INSYN2A: variants seen among roughly 807,000 people sequenced by gnomAD.
INSYN2A encodes the protein inhibitory synaptic factor 2A, also known as family with sequence similarity 196 member A.
A neutral mutation model predicts 39.4 loss-of-function variants in INSYN2A; 17 were observed. The ratio of observed to expected loss-of-function variants is 0.43; its 90% CI spans 0.30 to 0.65. The LOEUF is 0.65. INSYN2A is among the 30% of genes least tolerant of loss of function. INSYN2A has a pLI of 0.14. For synonymous variants in INSYN2A, 255 were observed against 265.7 expected (o/e 0.96, Z 0.39); for missense variants, 595 against 631.2 (o/e 0.94, Z 0.61).
chr10:127,168,686 C>T (rs1240939150), intron 4 of INSYN2A, among the ~76,000 whole-genome samples: 1 of 152,196 alleles, frequency 6.6e-6, no homozygotes, highest in African/African-American at 2.4e-5. Flanking sequence ...CTAGAGAGTG[C>T]ATAGCCAAAT....
intron 1 of INSYN2A, among the ~76,000 whole-genome samples, chr10:127,194,655 C>T (rs1471304546): frequency 6.6e-6 from 1 of 152,164 alleles, no homozygotes; most frequent in Non-Finnish European, 1.5e-5. Context: ...CCAGCGCAGT[C>T]ACTCTGACAG....
intron 4 of INSYN2A, among the ~76,000 whole-genome samples, chr10:127,167,509 C>T (rs941819531): frequency 3.3e-5 from 5 of 152,046 alleles, no homozygotes; most frequent in African/African-American, 7.2e-5. Context: ...GGTTCCCCCC[C>T]GCCCCGAAAC....
chr10:127,166,970 G>A (rs2054142904), intron 4 of INSYN2A, among the ~76,000 whole-genome samples: 1 of 151,878 alleles, frequency 6.6e-6, no homozygotes, highest in Admixed American at 6.6e-5. Context: ...TTCTGCACAG[G>A]AAGATTATTT....
intron 2 of INSYN2A, among the ~76,000 whole-genome samples, chr10:127,180,994 A>T (rs1041720974): frequency 6.6e-6 from 1 of 152,180 alleles, no homozygotes; most frequent in African/African-American, 2.4e-5. Flanking sequence ...AAAATAACAC[A>T]AGGTAAAATC....
chr10:127,180,760 C>A (rs1281237978), intron 2 of INSYN2A, among the ~76,000 whole-genome samples: 1 of 151,872 alleles, frequency 6.6e-6, no homozygotes, highest in African/African-American at 2.4e-5. Context: ...TCACTCTGGG[C>A]GGCCATTAAA....
At position 127,175,505 on chromosome 10, in the gene INSYN2A, G is replaced by C. The variant is rs757623149; in HGVS notation, c.891C>G (p.Leu297=). ...CCAGGGCAGTTTCCGAGGGCGCCTG[G>C]AGCCCGTTGAGATGTGTGGCTCTCC... The part of the protein sequence containing the change: ...ERRRATHLNG[L]QAPSETALAC... Residue 297 remains leucine, a synonymous_variant, in exon 4 of 6, where the codon CTC becomes CTG. Transcript: ENST00000522781. This position sits in a 1 kb window ranked among gnomAD's most constrained non-coding sequence, Gnocchi z 6.3. 1 of 1,608,790 alleles carries C rather than the reference G, an allele frequency of 6.2e-7. No individual in the cohort carries two copies. Among genetic ancestry groups the C allele is most frequent in the South Asian group, 1.1e-5 (1 of 91,070 alleles).
intron 5 of INSYN2A, among the ~76,000 whole-genome samples, chr10:127,139,046 G>C (rs1229661232): frequency 1.3e-5 from 2 of 152,166 alleles, no homozygotes; most frequent in East Asian, 1.9e-4. Context: ...TCTGCGTTCT[G>C]GGCCAGGCCT....
At chr10:127,154,838 G>A (rs1371541534) in intron 4 of INSYN2A, among the ~76,000 whole-genome samples, 1 of 152,174 alleles carries the variant, frequency 6.6e-6, no homozygotes, top group Non-Finnish European at 1.5e-5. Context: ...ATAAAGGGTT[G>A]ATGATGAGAA....
Position 127,170,025 on chromosome 10 carries a change from C to T in INSYN2A, c.1184+5187G>A, listed in dbSNP as rs1018986279. On this transcript the variant is annotated intron_variant, in intron 4 of 5. Coordinates refer to ENST00000522781, the MANE Select transcript of INSYN2A (RefSeq NM_001039762.3). ...GCTTCTTTTTTTACCACTGTGTGCC[C>T]GAGACTTGGGAGAGCTGGCCTCACA... Among the ~76,000 whole-genome samples, 7 of 151,878 alleles carry T rather than the reference C, an allele frequency of 4.6e-5. No individual in the cohort carries two copies. In the East Asian group the frequency reaches 5.8e-4, roughly 13 times the overall value.
In INSYN2A at chr10:127,138,096, T is replaced by A. The variant is rs745595131; in HGVS notation, c.1257-76A>T. ...AGATCCCTCTTAGTGTCAGCAAGAT[T>A]TGGGCATGATCAGTGTGTGTTTGTA... On this transcript the variant is annotated intron_variant, in intron 5 of 5. Coordinates refer to ENST00000522781, the MANE Select transcript of INSYN2A (RefSeq NM_001039762.3). 332 of 1,305,550 alleles carry A rather than the reference T, an allele frequency of 2.5e-4. 4 individuals carry two copies. Among genetic ancestry groups the A allele is most frequent in the South Asian group, 2.2e-3 (155 of 69,186 alleles). 80.9% of individuals were successfully genotyped at this position (1,305,550 alleles called of 1,614,324 possible). A position where few individuals can be genotyped will look rare whatever the true frequency, so the allele number is the denominator to read the frequency against.
chr10:127,194,484 T>C (rs2056962475), intron 1 of INSYN2A, among the ~76,000 whole-genome samples: 1 of 152,196 alleles, frequency 6.6e-6, no homozygotes, highest in African/African-American at 2.4e-5. Context: ...AATAGTACAG[T>C]GTGGGGGAAT....
intron 5 of INSYN2A, among the ~76,000 whole-genome samples, chr10:127,141,637 C>G (rs919494160): frequency 2.0e-5 from 3 of 151,972 alleles, no homozygotes; most frequent in South Asian, 2.1e-4. Context: ...TGCCACTGCA[C>G]TCCACCCTGG....
Position 127,176,563 on chromosome 10 carries a change from C to T in INSYN2A, c.-5-163G>A, listed in dbSNP as rs1033978104. Among the ~76,000 whole-genome samples, 6 of 152,170 alleles carry T rather than the reference C, an allele frequency of 3.9e-5. No homozygotes were observed. The highest frequency in any genetic ancestry group is 2.6e-4 in the Admixed American group (4 of 15,272). On this transcript the variant is annotated intron_variant, in intron 3 of 5. Transcript: ENST00000522781. This position sits in a 1 kb window ranked among gnomAD's most constrained non-coding sequence, Gnocchi z 4.4. The stretch of plus-strand genomic sequence containing the variant: ...AAGGAAAATCACACGGGCTGAGAGT[C>T]GCTGGCAGCACAGCTTGAAATGCTT...
chr10:127,181,232 G>A (rs1313421141), intron 2 of INSYN2A, among the ~76,000 whole-genome samples: 2 of 152,214 alleles, frequency 1.3e-5, no homozygotes, highest in South Asian at 2.1e-4. Context: ...ATAGTTAAAT[G>A]TTTAGCAGAA....
At chr10:127,164,020 A>G (rs538323222) in intron 4 of INSYN2A, among the ~76,000 whole-genome samples, 1 of 152,080 alleles carries the variant, frequency 6.6e-6, no homozygotes, top group East Asian at 1.9e-4. Flanking sequence ...AAGGGTAACA[A>G]TGCTGGTGGA....
At chr10:127,173,442 A>G (rs1187041578) in intron 4 of INSYN2A, among the ~76,000 whole-genome samples, 1 of 152,134 alleles carries the variant, frequency 6.6e-6, no homozygotes, top group Non-Finnish European at 1.5e-5. Flanking sequence ...TTGTTCTAAG[A>G]GGAGTGTAAG....
chr10:127,143,675 C>A (rs1482596285), intron 5 of INSYN2A, among the ~76,000 whole-genome samples: 1 of 152,166 alleles, frequency 6.6e-6, no homozygotes, highest in Non-Finnish European at 1.5e-5. Context: ...CCATGGGCAA[C>A]ACCAGCATTG....
chr10:127,182,926 G>A (rs759850997), intron 2 of INSYN2A, among the ~76,000 whole-genome samples: 18 of 152,028 alleles, frequency 1.2e-4, no homozygotes, highest in Non-Finnish European at 2.1e-4. Context: ...GGTAGTTTGG[G>A]GCCCATCAGA....
In INSYN2A at chr10:127,145,989, C is replaced by T. The variant is rs777457407; in HGVS notation, c.1256+7863G>A. On this transcript the variant is annotated intron_variant, in intron 5 of 5. Coordinates refer to ENST00000522781, the MANE Select transcript of INSYN2A (RefSeq NM_001039762.3). ...GAGGAAGAACCTGCCCTGGGGACCCCGCACCCTGAATTCCCTAGTCACTCT... is the reference window on the plus strand; with the variant it reads ...GAGGAAGAACCTGCCCTGGGGACCCTGCACCCTGAATTCCCTAGTCACTCT... 2.9e-5 allele frequency: 15 copies of T among 515,850 alleles called. 1 individual carries two copies. Among genetic ancestry groups the T allele is most frequent in the Middle Eastern group, 3.2e-4 (1 of 3,162 alleles). 32.0% of individuals were successfully genotyped at this position (515,850 alleles called of 1,614,324 possible). A position where few individuals can be genotyped will look rare whatever the true frequency, so the allele number is the denominator to read the frequency against.
Sources: gnomAD v4.1 joint callset for allele counts (sites outside exome capture counted in the v4.1 genomes callset) on GRCh38, gnomAD v4.1.1 for gene constraint, Gnocchi (gnomAD v3.1) non-coding constraint, MANE v1.5 for transcripts, NCBI Gene and HGNC (gene_info 2026-07-23, HGNC 2026-07-21) for gene names.